The following GAS7 variants were observed in gnomAD, a reference collection of about 807,000 sequenced individuals.
The protein encoded by GAS7 is growth arrest specific 7.
A neutral mutation model predicts 71.1 loss-of-function variants in GAS7; 28 were observed. That is an observed-to-expected ratio of 0.39 (90% CI 0.29 to 0.54). The LOEUF (loss-of-function observed/expected upper bound fraction) is 0.54, where lower values mean the gene tolerates loss of function less well. GAS7 is among the 20% of genes least tolerant of loss of function. The pLI, the probability that GAS7 is intolerant of heterozygous loss-of-function variation, is 0.62. For missense variants in GAS7, 436 were observed against 627.8 expected (o/e 0.69, Z 3.27); for synonymous variants, 258 against 245.8 (o/e 1.05, Z -0.46).
intron 1 of GAS7, among the ~76,000 whole-genome samples, chr17:10,052,479 C>T (rs1388432895): frequency 6.6e-6 from 1 of 152,208 alleles, no homozygotes; most frequent in Non-Finnish European, 1.5e-5. Flanking sequence ...CAGCAAAGAG[C>T]CGTGACCAGC....
Position 9,959,299 on chromosome 17 carries a change from T to C in GAS7, c.472-44A>G, listed in dbSNP as rs373024947. 2.5e-6 allele frequency: 4 copies of C among 1,613,570 alleles called. No homozygotes were observed. The African/African-American group carries it at 5.3e-5, about 22-fold the overall frequency. ...AACATCGTCAAAGCTGTTCTCCATA[T>C]TGGACATTTTTTCCCCCCATTCAGG... On this transcript the variant is annotated intron_variant, in intron 4 of 13. Coordinates refer to ENST00000432992, the MANE Select transcript of GAS7 (RefSeq NM_201433.2). This position sits in a 1 kb window ranked among gnomAD's most constrained non-coding sequence, Gnocchi z 5.0.
chr17:10,023,711 C>T (rs961964964), intron 1 of GAS7, among the ~76,000 whole-genome samples: 14 of 152,176 alleles, frequency 9.2e-5, no homozygotes, highest in African/African-American at 3.4e-4. Flanking sequence ...CACGTTTTCC[C>T]TTTGGGGTAA....
At chr17:10,016,241 C>T (rs1292228573) in intron 2 of GAS7, among the ~76,000 whole-genome samples, 2 of 151,832 alleles carry the variant, frequency 1.3e-5, no homozygotes, top group African/African-American at 2.4e-5. Flanking sequence ...AAAAATTAGC[C>T]AGGTGTGGTG....
chr17:10,133,201 C>T (rs976475694), intron 1 of GAS7, among the ~76,000 whole-genome samples: 1 of 151,348 alleles, frequency 6.6e-6, no homozygotes, highest in African/African-American at 2.4e-5. Context: ...CAGCTCACTG[C>T]AACCTCCACC....
At chr17:10,196,606 C>T (rs909501077) in intron 1 of GAS7, among the ~76,000 whole-genome samples, 4 of 152,190 alleles carry the variant, frequency 2.6e-5, no homozygotes, top group African/African-American at 9.7e-5. Context: ...CAGCACTCCA[C>T]TCTTGCTAAC....
intron 1 of GAS7, chr17:10,039,846 C>G (rs2072829803): frequency 2.3e-6 from 1 of 426,858 alleles, no homozygotes; most frequent in South Asian, 1.6e-5. Flanking sequence ...CCCTCTGGGG[C>G]TCCCAGAGGG....
At position 9,959,344 on chromosome 17, in the gene GAS7, C is replaced by G. The variant is rs1187569492; in HGVS notation, c.472-89G>C. On this transcript the variant is annotated intron_variant, in intron 4 of 13. Transcript: ENST00000432992. This position sits in a 1 kb window ranked among gnomAD's most constrained non-coding sequence, Gnocchi z 5.0. ...TTCAGGTTCCCTGAGGGTGGAGGCG[C>G]TGGGGAATCAGGGATGCTCAGTCTG... 4 of 1,593,544 alleles carry G rather than the reference C, an allele frequency of 2.5e-6. No homozygotes were observed. The highest frequency in any genetic ancestry group is 3.4e-6 in the Non-Finnish European group (4 of 1,169,228).
At chr17:10,178,586 C>CA (rs1226197004) in intron 1 of GAS7, among the ~76,000 whole-genome samples, 1 of 152,004 alleles carries the variant, frequency 6.6e-6, no homozygotes, top group Non-Finnish European at 1.5e-5. Context: ...AACCCCAGCT[C>CA]ACTGTCTCTC....
At chr17:10,043,264 T>C (rs559199394) in intron 1 of GAS7, among the ~76,000 whole-genome samples, 1 of 152,254 alleles carries the variant, frequency 6.6e-6, no homozygotes, top group East Asian at 1.9e-4. Flanking sequence ...AACCAGGTCT[T>C]CATCTTTTTC....
intron 9 of GAS7, among the ~76,000 whole-genome samples, chr17:9,927,753 T>C (rs1408166144): frequency 1.3e-5 from 2 of 152,100 alleles, no homozygotes; most frequent in Admixed American, 6.6e-5. Context: ...GAACATCTAC[T>C]CCATGGCAGG....
chr17:10,036,481 A>G (rs1338098743), intron 1 of GAS7: 2 of 1,613,714 alleles, frequency 1.2e-6, no homozygotes, highest in Non-Finnish European at 1.7e-6. Context: ...CTCAGAGGAG[A>G]GTCTTGGGTC....
At chr17:9,948,193 G>A (rs558408918) in intron 5 of GAS7, among the ~76,000 whole-genome samples, 1 of 152,322 alleles carries the variant, frequency 6.6e-6, no homozygotes, top group South Asian at 2.1e-4. Context: ...TGAGGAGGGG[G>A]CACCCCTAGC....
intron 1 of GAS7, among the ~76,000 whole-genome samples, chr17:10,049,902 G>C (rs565278755): frequency 1.3e-5 from 2 of 152,134 alleles, no homozygotes; most frequent in East Asian, 1.9e-4. Context: ...TTACAGGCGT[G>C]AGCCACCGCG....
intron 1 of GAS7, among the ~76,000 whole-genome samples, chr17:10,046,875 AGG>A (rs1491368962): frequency 1.7e-5 from 2 of 116,722 alleles, no homozygotes; most frequent in African/African-American, 8.5e-5. Context: ...AGAAAAGAAA[AGG>A]AAAAGAAAAG....
chr17:10,056,679 G>C (rs1022488967), intron 1 of GAS7, among the ~76,000 whole-genome samples: 23 of 151,986 alleles, frequency 1.5e-4, no homozygotes, highest in Non-Finnish European at 2.5e-4. Context: ...AGACCATCCT[G>C]GCTAACACGG....
At chr17:10,030,970 T>G (rs2072603453) in intron 1 of GAS7, among the ~76,000 whole-genome samples, 1 of 152,182 alleles carries the variant, frequency 6.6e-6, no homozygotes, top group African/African-American at 2.4e-5. Context: ...TTCATCTGCA[T>G]TAGCTACTTC....
Position 10,152,825 on chromosome 17 carries a change from T to C in GAS7, c.183+45383A>G, listed in dbSNP as rs149303730. ...GTTTCTAGAGGAGGACTTTGCAGGA[T>C]GCAGGGAGATGGTGAGGAGGGCCAG... On this transcript the variant is annotated intron_variant, in intron 1 of 13. Transcript: ENST00000432992. Among the ~76,000 whole-genome samples, 965 of 152,184 alleles carry C rather than the reference T, an allele frequency of 6.3e-3. 8 individuals carry two copies. Among genetic ancestry groups the C allele is most frequent in the African/African-American group, 0.022 (912 of 41,510 alleles).
rs138956583 is a variant in GAS7 at position 9,949,222 on chromosome 17, G to A, written c.526-2239C>T. ...CAGGGGCCAGAGGCTGCAGAGATGC[G>A]TCCAAGGGGCAGATCCTGCTCAGCT... On this transcript the variant is annotated intron_variant, in intron 5 of 13. Coordinates refer to ENST00000432992, the MANE Select transcript of GAS7 (RefSeq NM_201433.2). Among the ~76,000 whole-genome samples the A allele has an allele frequency of 7.0e-3, 1,047 of 150,232 alleles. 14 individuals are homozygous for A. The highest frequency in any genetic ancestry group is 0.025 in the African/African-American group (991 of 39,684).
At chr17:10,085,136 C>T (rs2073503104) in intron 1 of GAS7, among the ~76,000 whole-genome samples, 1 of 152,172 alleles carries the variant, frequency 6.6e-6, no homozygotes, top group East Asian at 1.9e-4. Flanking sequence ...CGGTCTCTGC[C>T]CAGTCTATAA....
Sources: gnomAD v4.1 joint callset for allele counts (sites outside exome capture counted in the v4.1 genomes callset) on GRCh38, gnomAD v4.1.1 for gene constraint, Gnocchi (gnomAD v3.1) non-coding constraint, MANE v1.5 for transcripts, NCBI Gene and HGNC (gene_info 2026-07-23, HGNC 2026-07-21) for gene names.